The following SH3KBP1 variants were observed in gnomAD, a reference collection of about 807,000 sequenced individuals.
The protein encoded by SH3KBP1 is SH3 domain containing kinase binding protein 1.
A neutral mutation model predicts 50.1 loss-of-function variants in SH3KBP1; 8 were observed. The ratio of observed to expected loss-of-function variants is 0.16; its 90% CI spans 0.09 to 0.29. The LOEUF (loss-of-function observed/expected upper bound fraction) is 0.29, where lower values mean the gene tolerates loss of function less well. SH3KBP1 is among the 10% of genes least tolerant of loss of function. The probability of loss-of-function intolerance (pLI) is 1.00; values close to 1 mark genes in which losing one functional copy is unlikely to be tolerated. For missense variants in SH3KBP1, 377 were observed against 535.2 expected (o/e 0.70, Z 2.92); for synonymous variants, 227 against 218.6 (o/e 1.04, Z -0.34).
At chrX:19,740,168 AG>A (rs1431395243) in intron 3 of SH3KBP1, among the ~76,000 whole-genome samples, 3 of 111,484 alleles carry the variant, frequency 2.7e-5, no homozygotes, top group Non-Finnish European at 5.7e-5. Flanking sequence ...AACATGAAAA[AG>A]GGTAACACAC....
intron 7 of SH3KBP1, among the ~76,000 whole-genome samples, chrX:19,643,311 T>TTC (rs2061911122): frequency 1.1e-5 from 1 of 87,844 alleles, no homozygotes; most frequent in Non-Finnish European, 2.0e-5. Flanking sequence ...TTTTTTATTT[T>TTC]TTTTTTTTTT....
chrX:19,654,309 T>C (rs2062215534), intron 6 of SH3KBP1, among the ~76,000 whole-genome samples: 1 of 111,761 alleles, frequency 8.9e-6, no homozygotes, highest in African/African-American at 3.3e-5. Context: ...TGTCTCTTCG[T>C]TGAAGCAAAA....
intron 12 of SH3KBP1, among the ~76,000 whole-genome samples, chrX:19,574,347 A>C (rs923757368): frequency 8.0e-5 from 9 of 112,827 alleles, no homozygotes; most frequent in Admixed American, 5.6e-4. Flanking sequence ...ATGTATGCCA[A>C]AAAGTGTTTA....
intron 12 of SH3KBP1, among the ~76,000 whole-genome samples, chrX:19,581,270 C>T: frequency 8.9e-6 from 1 of 112,221 alleles, no homozygotes; most frequent in Non-Finnish European, 1.9e-5. Context: ...GCCAAGACTT[C>T]TCTCCTGAAT....
chrX:19,606,363 G>C (rs975468168), intron 9 of SH3KBP1, among the ~76,000 whole-genome samples: 6 of 112,206 alleles, frequency 5.3e-5, no homozygotes, highest in Non-Finnish European at 7.5e-5. Context: ...TCTTTGTAAT[G>C]TTTGCCATCC....
At chrX:19,666,811 G>A (rs1018531644) in intron 6 of SH3KBP1, among the ~76,000 whole-genome samples, 3 of 111,266 alleles carry the variant, frequency 2.7e-5, no homozygotes, top group Non-Finnish European at 5.7e-5. Context: ...AATTTAAATC[G>A]GAGTTGCCCT....
intron 14 of SH3KBP1, among the ~76,000 whole-genome samples, chrX:19,546,676 A>G (rs933174322): frequency 1.8e-5 from 2 of 112,373 alleles, no homozygotes; most frequent in African/African-American, 6.5e-5. Flanking sequence ...CGCTAGTGCA[A>G]CAAGCTCATA....
At chrX:19,608,089 C>T in intron 8 of SH3KBP1, 44 bp from the exon 9 acceptor site, 1 of 1,088,672 alleles carries the variant, frequency 9.2e-7, no homozygotes, top group Admixed American at 2.3e-5. Context: ...GGGCAAGCAG[C>T]CTCCAGAGGG....
At chrX:19,610,383 A>G (rs915412136) in intron 8 of SH3KBP1, among the ~76,000 whole-genome samples, 2 of 111,358 alleles carry the variant, frequency 1.8e-5, no homozygotes, top group Non-Finnish European at 3.8e-5. Flanking sequence ...ATGATAACAG[A>G]AAAACTTATG....
intron 1 of SH3KBP1, among the ~76,000 whole-genome samples, chrX:19,844,139 C>T (rs2068301507): frequency 8.9e-6 from 1 of 111,737 alleles, no homozygotes; most frequent in Non-Finnish European, 1.9e-5. Context: ...ACAGAAGCTG[C>T]TCCATTAATG....
At chrX:19,648,765 C>T (rs1387336780) in intron 6 of SH3KBP1, among the ~76,000 whole-genome samples, 3 of 111,122 alleles carry the variant, frequency 2.7e-5, no homozygotes, top group Non-Finnish European at 5.7e-5. Context: ...TGCATGTACC[C>T]TGAACACCAC....
At chrX:19,634,102 G>A (rs1008722694) in intron 7 of SH3KBP1, among the ~76,000 whole-genome samples, 8 of 93,421 alleles carry the variant, frequency 8.6e-5, no homozygotes, top group African/African-American at 2.8e-4. Context: ...GTGTGACAGA[G>A]GGAAAGAAAG....
chrX:19,595,590 G>GTTT (rs397943096), intron 9 of SH3KBP1, among the ~76,000 whole-genome samples: 1 of 92,792 alleles, frequency 1.1e-5, no homozygotes, highest in Non-Finnish European at 2.2e-5. Flanking sequence ...TTTTTGGTTT[G>GTTT]TTTTTTTTTT....
chrX:19,687,805 T>C lies in SH3KBP1; in HGVS notation c.521-3777A>G, dbSNP rs1178704804. 7.5e-6 allele frequency: 4 copies of C among 536,152 alleles called. No individual in the cohort carries two copies. In the Admixed American group the frequency reaches 1.1e-4, roughly 15 times the overall value. 44.2% of individuals were successfully genotyped at this position (536,152 alleles called of 1,213,427 possible). On this transcript the variant is annotated intron_variant, in intron 5 of 17. Transcript: ENST00000397821. ...AGTCTTTAACTGAACTTGCCTTCAA[T>C]GAATCTGCTGCAAGAGCTTCATCCA...
At chrX:19,616,435 C>A (rs773428673) in intron 8 of SH3KBP1, among the ~76,000 whole-genome samples, 1 of 111,860 alleles carries the variant, frequency 8.9e-6, no homozygotes, top group East Asian at 2.8e-4. Context: ...GGATAACACA[C>A]AAAAAAACAG....
chrX:19,728,552 G>T (rs2148755173), intron 3 of SH3KBP1, among the ~76,000 whole-genome samples: 1 of 112,242 alleles, frequency 8.9e-6, no homozygotes, highest in South Asian at 3.7e-4. Context: ...TCTCAGCAAA[G>T]AATTCTTTGA....
At chrX:19,739,121 G>C (rs1211630800) in intron 3 of SH3KBP1, among the ~76,000 whole-genome samples, 1 of 107,250 alleles carries the variant, frequency 9.3e-6, no homozygotes, top group Non-Finnish European at 1.9e-5. Flanking sequence ...TGGTGATTAA[G>C]TTCCCAGACT....
chrX:19,692,661 G>GTA (rs2063318325), intron 5 of SH3KBP1, among the ~76,000 whole-genome samples: 1 of 75,470 alleles, frequency 1.3e-5, no homozygotes, highest in Non-Finnish European at 2.5e-5. Flanking sequence ...GTGTGTGTGT[G>GTA]TGTGTGTGTA....
rs368714440 is a variant in SH3KBP1, at chrX:19,643,219, A to G, written c.802+2181T>C. Among the ~76,000 whole-genome samples the G allele has an allele frequency of 2.7e-3, 292 of 109,790 alleles. 2 individuals are homozygous for G. The highest frequency in any genetic ancestry group is 9.3e-3 in the African/African-American group (278 of 29,991). ...CTTCTTAGGGGTCTGGGGTGGCACT[A>G]AATGGAAATCATGGAAGAACAATTA... On this transcript the variant is annotated intron_variant, in intron 7 of 17. Transcript: ENST00000397821.
Sources: gnomAD v4.1 joint callset for allele counts (sites outside exome capture counted in the v4.1 genomes callset) on GRCh38, gnomAD v4.1.1 for gene constraint, MANE v1.5 for transcripts, NCBI Gene and HGNC (gene_info 2026-07-23, HGNC 2026-07-21) for gene names.